Variants in KCNK10 observed in about 807,000 individuals in gnomAD.
The protein encoded by KCNK10 is potassium two pore domain channel subfamily K member 10.
KCNK10 carries 25 observed loss-of-function variants against 47.7 expected under a neutral mutation model. The ratio of observed to expected loss-of-function variants is 0.52; its 90% CI spans 0.38 to 0.73. The LOEUF is 0.73. Ranked by LOEUF, KCNK10 falls within the 30% of genes least tolerant of loss-of-function variation. The pLI is 0.00. For synonymous variants in KCNK10, 303 were observed against 285.6 expected (o/e 1.06, Z -0.61); for missense variants, 563 against 714.5 (o/e 0.79, Z 2.42).
chr14:88,255,873 A>T (rs1375957751), intron 2 of KCNK10, among the ~76,000 whole-genome samples: 3 of 147,314 alleles, frequency 2.0e-5, no homozygotes, highest in East Asian at 1.9e-4. Context: ...AAAAAGGAAT[A>T]AAAAAAAGTA....
intron 2 of KCNK10, among the ~76,000 whole-genome samples, chr14:88,251,997 A>C (rs899196344): frequency 1.3e-5 from 2 of 152,146 alleles, no homozygotes; most frequent in African/African-American, 4.8e-5. Context: ...TTTAGTTACA[A>C]TTATTTGTGT....
chr14:88,260,349 T>C lies in KCNK10; in HGVS notation c.402+2853A>G. On this transcript the variant is annotated intron_variant, in intron 2 of 6. Transcript: ENST00000319231. This position sits in a 1 kb window ranked among gnomAD's most constrained non-coding sequence, Gnocchi z 4.5. ...CCTCCCCTTCGTCTTCTGCCATGAT[T>C]GTAAGTTTCCTGAAGCCTCCCAAGC... is the stretch of plus-strand genomic sequence containing the variant. Among the ~76,000 whole-genome samples, 1 of 152,196 alleles carries C rather than the reference T, an allele frequency of 6.6e-6. No homozygotes were observed. The highest frequency in any genetic ancestry group is 1.5e-5 in the Non-Finnish European group (1 of 68,032).
rs1412524482 is a variant in KCNK10 at position 88,263,522 on chromosome 14, G to C, written c.82C>G (p.Gln28Glu). ...TGCCCGTTAGTGGCGCTCTTGGGCTGGCACACCGGTGCTGCTGCGGGAACG... is the reference window on the plus strand; with the variant it reads ...TGCCCGTTAGTGGCGCTCTTGGGCTCGCACACCGGTGCTGCTGCGGGAACG... ...VAVPAAAPVC[Q>E]PKSATNGQPP... The change falls in exon 2 of 7, where the codon CAG becomes GAG. Residue 28 changes from glutamine to glutamate, a missense_variant. Physicochemically the swap from Gln to Glu is conservative, Grantham distance 29 (BLOSUM62 2). Coordinates refer to ENST00000319231, the MANE Select transcript of KCNK10 (RefSeq NM_138317.3). 1 of 1,612,678 alleles carries C rather than the reference G, an allele frequency of 6.2e-7. No individual in the cohort carries two copies. The highest frequency in any genetic ancestry group is 2.2e-5 in the East Asian group (1 of 44,886).
At chr14:88,261,019 C>T (rs724612) in intron 2 of KCNK10, among the ~76,000 whole-genome samples, 28,983 of 152,154 alleles carry the variant, frequency 0.19, 3,270 homozygotes, top group Middle Eastern at 0.26. Context: ...ACGGAAATGC[C>T]GAATTAATCA....
Position 88,322,512 on chromosome 14 carries a change from A to G in KCNK10, c.52+235T>C, listed in dbSNP as rs576855805. Among the ~76,000 whole-genome samples, 8 of 152,314 alleles carry G rather than the reference A, an allele frequency of 5.3e-5. No individual in the cohort carries two copies. Among genetic ancestry groups the G allele is most frequent in the Admixed American group, 3.3e-4 (5 of 15,302 alleles). ...ACCAAACAGTCGGCTTGGTCTATCT[A>G]AATAGATCTGGAGACAATCTAGGAG... On this transcript the variant is annotated intron_variant, in intron 1 of 6. Coordinates refer to ENST00000319231, the MANE Select transcript of KCNK10 (RefSeq NM_138317.3). This position sits in a 1 kb window ranked among gnomAD's most constrained non-coding sequence, Gnocchi z 4.8.
chr14:88,194,636 G>C (rs1884850068), intron 4 of KCNK10, among the ~76,000 whole-genome samples: 1 of 152,214 alleles, frequency 6.6e-6, no homozygotes, highest in Admixed American at 6.5e-5. Context: ...CAGGAGGGAA[G>C]ATGGGGAAGG....
rs997967433 is a variant in KCNK10, at chr14:88,186,650, G to C, written c.1012-495C>G. 2.0e-5 allele frequency among the ~76,000 whole-genome samples: 3 copies of C among 152,212 alleles called. No individual in the cohort carries two copies. The highest frequency in any genetic ancestry group is 4.4e-5 in the Non-Finnish European group (3 of 68,036). ...TTCTGGTTTTCTATCCTGGCAGGGT[G>C]ACCAACTTGTTCCAGTTTGCCTGAG... On this transcript the variant is annotated intron_variant, in intron 6 of 6. Coordinates refer to ENST00000319231, the MANE Select transcript of KCNK10 (RefSeq NM_138317.3). This position sits in a 1 kb window ranked among gnomAD's most constrained non-coding sequence, Gnocchi z 5.5.
chr14:88,296,040 G>A (rs764533989), intron 1 of KCNK10, among the ~76,000 whole-genome samples: 3 of 152,098 alleles, frequency 2.0e-5, no homozygotes, highest in Non-Finnish European at 4.4e-5. Flanking sequence ...CATGCACCTG[G>A]GCTATACACA....
rs113556245 is a variant in KCNK10, at chr14:88,233,399, C to T, written c.521-5864G>A. On this transcript the variant is annotated intron_variant, in intron 3 of 6. Coordinates refer to ENST00000319231, the MANE Select transcript of KCNK10 (RefSeq NM_138317.3). ...AGAGAGGTCATTTCCTCCAAAGCTC[C>T]GGCAAAAGCCCCTAATCCAGATCAT... Among the ~76,000 whole-genome samples the T allele has an allele frequency of 5.0e-4, 76 of 152,308 alleles. No homozygotes were observed. The East Asian group carries it at 7.9e-3, about 16-fold the overall frequency.
At chr14:88,323,814 C>T (rs1042993431), upstream of KCNK10, 4 of 152,308 alleles carry the variant, frequency 2.6e-5, no homozygotes, top group Admixed American at 2.6e-4. Flanking sequence ...TCACCGCTCT[C>T]ACCCTGAGCT....
chr14:88,237,345 T>C (rs967699106), intron 3 of KCNK10, among the ~76,000 whole-genome samples: 3 of 152,192 alleles, frequency 2.0e-5, no homozygotes, highest in Non-Finnish European at 4.4e-5. Context: ...CTCAAAGTCA[T>C]CCATGAGCCT....
chr14:88,182,474 C>T lies in KCNK10; in HGVS notation c.*3061G>A, dbSNP rs374051728. ...GTAACTTCAAACCAACTGGCCTCCTCCAAAATTAGTTTATATGAAGAGGAA... is the reference window on the plus strand; with the variant it reads ...GTAACTTCAAACCAACTGGCCTCCTTCAAAATTAGTTTATATGAAGAGGAA... On this transcript the variant is annotated 3_prime_UTR_variant, in exon 7 of 7. Transcript: ENST00000319231. 8 of 152,452 alleles carry T rather than the reference C, an allele frequency of 5.2e-5. No individual in the cohort carries two copies. The highest frequency in any genetic ancestry group is 1.9e-4 in the African/African-American group (8 of 41,572). The allele number at this position is 152,452 out of a possible 1,614,324, so 9.4% of individuals were successfully genotyped here.
chr14:88,279,143 T>C (rs1055328333), intron 1 of KCNK10, among the ~76,000 whole-genome samples: 7 of 152,196 alleles, frequency 4.6e-5, no homozygotes, highest in African/African-American at 1.7e-4. Context: ...CTGCTAATTT[T>C]CCCCAAATGC....
At chr14:88,305,908 G>T (rs1229441436) in intron 1 of KCNK10, among the ~76,000 whole-genome samples, 2 of 152,232 alleles carry the variant, frequency 1.3e-5, no homozygotes, top group Non-Finnish European at 2.9e-5. Flanking sequence ...CCAAGGCTGA[G>T]GGAATTGGGG....
At chr14:88,241,481 T>C (rs1388743115) in intron 2 of KCNK10, among the ~76,000 whole-genome samples, 1 of 151,414 alleles carries the variant, frequency 6.6e-6, no homozygotes, top group East Asian at 1.9e-4. Flanking sequence ...TGATTGTCAT[T>C]CCACTCTCCC....
At chr14:88,241,541 C>A (rs760954578) in intron 2 of KCNK10, among the ~76,000 whole-genome samples, 7 of 152,186 alleles carry the variant, frequency 4.6e-5, no homozygotes, top group Non-Finnish European at 8.8e-5. Flanking sequence ...AAATAAGCTA[C>A]AATGACTCCT....
At chr14:88,288,510 C>T (rs1236079906) in intron 1 of KCNK10, among the ~76,000 whole-genome samples, 3 of 152,152 alleles carry the variant, frequency 2.0e-5, no homozygotes, top group Admixed American at 2.0e-4. Flanking sequence ...TCATTCCCAC[C>T]TCAACCAGCC....
At position 88,186,253 on chromosome 14, in the gene KCNK10, AG is replaced by A. The variant is rs1264911999; in HGVS notation, c.1012-99del. On this transcript the variant is annotated intron_variant, in intron 6 of 6. Coordinates refer to ENST00000319231, the MANE Select transcript of KCNK10 (RefSeq NM_138317.3). The surrounding 1 kb of genome is among the most constrained non-coding windows in gnomAD (Gnocchi z 5.5). ...CCTCGGGTGTCCCCACGGGGAGGCC[AG>A]GAGGTGACGGAGCACATGCCCAGGG... 2 of 1,402,472 alleles carry A rather than the reference AG, an allele frequency of 1.4e-6. No individual in the cohort carries two copies. Among genetic ancestry groups the A allele is most frequent in the African/African-American group, 2.9e-5 (2 of 68,922 alleles). 86.9% of individuals were successfully genotyped at this position (1,402,472 alleles called of 1,614,324 possible). A position where few individuals can be genotyped will look rare whatever the true frequency, so the allele number is the denominator to read the frequency against.
At chr14:88,227,586 G>A in intron 3 of KCNK10, 51 bp from the exon 4 acceptor site, 3 of 1,513,276 alleles carry the variant, frequency 2.0e-6, no homozygotes, top group Non-Finnish European at 2.7e-6. Context: ...TTAGCATACT[G>A]ACCAAAGAAC....
Sources: gnomAD v4.1 joint callset for allele counts (sites outside exome capture counted in the v4.1 genomes callset) on GRCh38, gnomAD v4.1.1 for gene constraint, Gnocchi (gnomAD v3.1) non-coding constraint, MANE v1.5 for transcripts, NCBI Gene and HGNC (gene_info 2026-07-23, HGNC 2026-07-21) for gene names.